UNC13A: variants seen among roughly 807,000 people sequenced by gnomAD.
UNC13A encodes unc-13 homolog A, also known as protein unc-13 homolog A.
UNC13A carries 61 observed loss-of-function variants against 219.7 expected under a neutral mutation model. The ratio of observed to expected loss-of-function variants is 0.28; its 90% CI spans 0.23 to 0.34. UNC13A has a LOEUF of 0.34. UNC13A is among the 10% of genes least tolerant of loss of function. The pLI is 1.00. For synonymous variants in UNC13A, 920 were observed against 884.6 expected (o/e 1.04, Z -0.71); for missense variants, 1,476 against 2,270.3 (o/e 0.65, Z 7.11).
chr19:17,644,652 G>A lies in UNC13A; in HGVS notation c.2356+1022C>T, dbSNP rs114566741. ...CTCAAGTGATCTGCCTGCCTCAGCC[G>A]TCCCAAACTGTTGGGATTATAGGCG... On this transcript the variant is annotated intron_variant, in intron 19 of 43. Transcript: ENST00000519716. Among the ~76,000 whole-genome samples, 772 of 146,294 alleles carry A rather than the reference G, an allele frequency of 5.3e-3. 10 individuals are homozygous for A. Among genetic ancestry groups the A allele is most frequent in the African/African-American group, 0.019 (741 of 39,474 alleles).
At chr19:17,651,285 C>T (rs11667252) in intron 12 of UNC13A, among the ~76,000 whole-genome samples, 73,218 of 151,246 alleles carry the variant, frequency 0.48, 18,568 homozygotes, top group African/African-American at 0.65. Context: ...ATGGGGGTCT[C>T]GCTATGTTGC....
chr19:17,658,802 TTCTG>T (rs1371628272), intron 8 of UNC13A, among the ~76,000 whole-genome samples: 1 of 152,214 alleles, frequency 6.6e-6, no homozygotes, highest in African/African-American at 2.4e-5. Flanking sequence ...TGAGACATGG[TTCTG>T]TCTTTTTCAA....
intron 12 of UNC13A, among the ~76,000 whole-genome samples, chr19:17,651,772 G>A (rs1367375244): frequency 2.6e-5 from 4 of 152,102 alleles, no homozygotes; most frequent in Non-Finnish European, 4.4e-5. Flanking sequence ...TCTAGCTAGG[G>A]TACCTGCTCA....
At chr19:17,670,302 G>A (rs1458311370) in intron 4 of UNC13A, among the ~76,000 whole-genome samples, 1 of 151,506 alleles carries the variant, frequency 6.6e-6, no homozygotes, top group African/African-American at 2.4e-5. Context: ...GTGCAGTGGC[G>A]TGATCTCAGC....
chr19:17,612,451 C>G (rs1217192175), intron 41 of UNC13A, among the ~76,000 whole-genome samples: 2 of 152,194 alleles, frequency 1.3e-5, no homozygotes, highest in African/African-American at 2.4e-5. Context: ...CCTACACCTG[C>G]CCCCAGCATC....
At chr19:17,670,943 T>TAAAATAAAATA (rs1555698005) in intron 4 of UNC13A, among the ~76,000 whole-genome samples, 5 of 141,424 alleles carry the variant, frequency 3.5e-5, no homozygotes, top group Non-Finnish European at 8.1e-5. Context: ...TAAAATAAAA[T>TAAAATAAAATA]AAAATAAAAT....
At chr19:17,687,034 A>G (rs999089011) in intron 1 of UNC13A, among the ~76,000 whole-genome samples, 1 of 152,124 alleles carries the variant, frequency 6.6e-6, no homozygotes, top group Non-Finnish European at 1.5e-5. Context: ...AGTCCTTAAG[A>G]ACCAGGGGTT....
Position 17,629,243 on chromosome 19 carries a change from T to C in UNC13A, c.3750A>G (p.Lys1250=). 1 of 1,608,696 alleles carries C rather than the reference T, an allele frequency of 6.2e-7. No homozygotes were observed. The highest frequency in any genetic ancestry group is 1.3e-5 in the African/African-American group (1 of 74,938). ...FASYCSKEKE[K]VPCILMNNTQ... ...GTCAGGGGCCCCCTCAGGTCACCAC[T>C]TTCTCCTTCTCCTTGGAGCAGTAGG... The change falls in exon 31 of 44, where the codon AAA becomes AAG. Residue 1250 remains lysine, a synonymous_variant. Transcript: ENST00000519716.
At chr19:17,610,599 G>A (rs2076592409) in intron 42 of UNC13A, among the ~76,000 whole-genome samples, 1 of 152,192 alleles carries the variant, frequency 6.6e-6, no homozygotes, top group African/African-American at 2.4e-5. Context: ...AATGAGGTGA[G>A]AGAAAAAAAT....
At chr19:17,630,594 T>C (rs1390527923) in intron 29 of UNC13A, 60 bp downstream of exon 29, 1 of 1,579,076 alleles carries the variant, frequency 6.3e-7, no homozygotes, top group Non-Finnish European at 8.7e-7. Flanking sequence ...AGGGCAAATT[T>C]CCACCTAAAT....
At position 17,656,340 on chromosome 19, in the gene UNC13A, G is replaced by A. The variant is rs371597202; in HGVS notation, c.826C>T (p.Leu276=). 334 of 1,559,042 alleles carry A rather than the reference G, an allele frequency of 2.1e-4. 2 individuals carry two copies. Among genetic ancestry groups the A allele is most frequent in the Middle Eastern group, 2.0e-3 (12 of 5,996 alleles). ...TCGTCAGGGTCGAAGTCCTCGCTCA[G>A]CTGAGAGCTTCCCTGGCTCAGCTCC... ...SGELSQGSSQ[L]SEDFDPDEHS... is the part of the protein sequence containing the mutation. The change falls in exon 10 of 44, where the codon CTG becomes TTG. Residue 276 remains leucine, a synonymous_variant. Transcript: ENST00000519716.
At chr19:17,626,006 C>A (rs1026078637) in intron 34 of UNC13A, among the ~76,000 whole-genome samples, 4 of 149,684 alleles carry the variant, frequency 2.7e-5, no homozygotes, top group Non-Finnish European at 5.9e-5. Context: ...AACATTTATT[C>A]ATTCATCCAA....
intron 43 of UNC13A, among the ~76,000 whole-genome samples, chr19:17,608,027 G>A (rs1231967856): frequency 6.7e-6 from 1 of 149,846 alleles, no homozygotes; most frequent in Non-Finnish European, 1.5e-5. Flanking sequence ...GATTACAAGC[G>A]CCTGCCACCA....
chr19:17,623,380 A>C, intron 36 of UNC13A, 162 bp downstream of exon 36: 33 of 503,732 alleles, frequency 6.6e-5, no homozygotes, highest in East Asian at 2.0e-4. Context: ...CCCCCTCCCC[A>C]TGCCCCGCCC....
At chr19:17,623,400 A>C in intron 36 of UNC13A, 142 bp downstream of exon 36, 6 of 593,762 alleles carry the variant, frequency 1.0e-5, no homozygotes, top group East Asian at 3.6e-5. Flanking sequence ...CCAGACAGAC[A>C]CAGGCACATC....
chr19:17,667,776 A>ATTTT (rs34197880), intron 6 of UNC13A, among the ~76,000 whole-genome samples: 1 of 108,056 alleles, frequency 9.3e-6, no homozygotes. Context: ...AGCCTGGCTA[A>ATTTT]TTTTTTTTTT....
At chr19:17,606,551 CCCCGAGCTGG>C (rs1430371908) in intron 43 of UNC13A, among the ~76,000 whole-genome samples, 197 bp from the exon 44 acceptor site, 1 of 152,188 alleles carries the variant, frequency 6.6e-6, no homozygotes, top group East Asian at 1.9e-4. Context: ...CAGCAGCTGA[CCCCGAGCTGG>C]GCCACGCCCA....
At chr19:17,678,387 G>T (rs1568274698) in intron 1 of UNC13A, among the ~76,000 whole-genome samples, 1 of 152,146 alleles carries the variant, frequency 6.6e-6, no homozygotes, top group East Asian at 1.9e-4. Context: ...GCTGAGGCAG[G>T]AGAATCCCTT....
intron 19 of UNC13A, among the ~76,000 whole-genome samples, chr19:17,644,331 G>T (rs1185242770): frequency 1.3e-5 from 2 of 151,056 alleles, no homozygotes; most frequent in African/African-American, 4.9e-5. Context: ...TGGGACTACA[G>T]GCACGCATCA....
Sources: gnomAD v4.1 joint callset for allele counts (sites outside exome capture counted in the v4.1 genomes callset) on GRCh38, gnomAD v4.1.1 for gene constraint, MANE v1.5 for transcripts, NCBI Gene and HGNC (gene_info 2026-07-23, HGNC 2026-07-21) for gene names.